ABCG8: variants seen among roughly 807,000 people sequenced by gnomAD.
The protein encoded by ABCG8 is ATP-binding cassette sub-family G member 8.
A neutral mutation model predicts 71.3 loss-of-function variants in ABCG8; 81 were observed. The observed-to-expected ratio is 1.14, with a 90% CI of 0.95 to 1.37. The LOEUF (loss-of-function observed/expected upper bound fraction) is 1.37, where lower values mean the gene tolerates loss of function less well. Among genes scored for constraint, ABCG8 ranks in the 40% most tolerant of loss-of-function variants. ABCG8 has a pLI of 0.00. For missense variants in ABCG8, 1,119 were observed against 866.2 expected (o/e 1.29, Z -3.66); for synonymous variants, 451 against 354.7 (o/e 1.27, Z -3.05).
At chr2:43,876,185 C>T (rs538250008) in intron 11 of ABCG8, among the ~76,000 whole-genome samples, 147 of 152,308 alleles carry the variant, frequency 9.7e-4, no homozygotes, top group African/African-American at 3.3e-3. Flanking sequence ...ACATCCCTCT[C>T]GAGAATTGCT....
Position 43,878,024 on chromosome 2 carries a change from C to G in ABCG8, c.*111C>G. 2 of 1,510,964 alleles carry G rather than the reference C, an allele frequency of 1.3e-6. No individual in the cohort carries two copies. The highest frequency in any genetic ancestry group is 1.8e-6 in the Non-Finnish European group (2 of 1,102,860). The allele number at this position is 1,510,964 out of a possible 1,614,324, so 93.6% of individuals were successfully genotyped here. On this transcript the variant is annotated 3_prime_UTR_variant, in exon 13 of 13. Coordinates refer to ENST00000272286, the MANE Select transcript of ABCG8 (RefSeq NM_022437.3). ...AGTGAGGACAATGACCCTACAGATG[C>G]TCAGCTACATCCGGCCCAGGGTGCT...
At chr2:43,843,177 G>C (rs1284317961) in intron 1 of ABCG8, among the ~76,000 whole-genome samples, 1 of 152,070 alleles carries the variant, frequency 6.6e-6, no homozygotes, top group Non-Finnish European at 1.5e-5. Context: ...TGTCTCATCT[G>C]CCAAAATCTA....
chr2:43,859,578 A>G (rs1669232407), intron 6 of ABCG8, among the ~76,000 whole-genome samples: 1 of 150,558 alleles, frequency 6.6e-6, no homozygotes, highest in Admixed American at 6.6e-5. Flanking sequence ...TGTGGATAGA[A>G]CTGTCGCTAT....
chr2:43,878,687 A>G lies in ABCG8; in HGVS notation c.*774A>G, dbSNP rs1334689019. ...CCGCTGTAAGCCTTAGGAGTTTAGG[A>G]AGGCTCCAGAAGACAAATGGGGTCT... On this transcript the variant is annotated 3_prime_UTR_variant, in exon 13 of 13. Transcript: ENST00000272286. The G allele has an allele frequency of 6.5e-6, 1 of 153,228 alleles. No individual in the cohort carries two copies. Among genetic ancestry groups the G allele is most frequent in the Non-Finnish European group, 1.5e-5 (1 of 68,806 alleles). The allele number at this position is 153,228 out of a possible 1,614,324, so 9.5% of individuals were successfully genotyped here. A position where few individuals can be genotyped will look rare whatever the true frequency, so the allele number is the denominator to read the frequency against.
intron 3 of ABCG8, chr2:43,847,022 ACACTC>A: frequency 6.6e-6 from 1 of 150,830 alleles, no homozygotes; most frequent in Admixed American, 6.6e-5. Flanking sequence ...ACACACACAC[ACACTC>A]CCCTCCATTT....
intron 6 of ABCG8, among the ~76,000 whole-genome samples, chr2:43,859,201 C>A (rs546466214): frequency 1.3e-5 from 2 of 151,000 alleles, no homozygotes; most frequent in Admixed American, 6.6e-5. Flanking sequence ...GGATAGAATT[C>A]TCTCCCTCTG....
rs530500061 is a variant in ABCG8, at chr2:43,878,983, G to A, written c.*1070G>A. ...CTCTCTCCCGCTACCCTGTGAAGAG[G>A]AGCCTTCCACCACGACTGCAAGTTT... is the stretch of plus-strand genomic sequence containing the variant. On this transcript the variant is annotated 3_prime_UTR_variant, in exon 13 of 13. Transcript: ENST00000272286. 4 of 152,382 alleles carry A rather than the reference G, an allele frequency of 2.6e-5. No individual in the cohort carries two copies. In the South Asian group the frequency reaches 8.3e-4, roughly 32 times the overall value. The allele number at this position is 152,382 out of a possible 1,614,324, so 9.4% of individuals were successfully genotyped here.
In ABCG8 at chr2:43,872,105, C is replaced by A; in HGVS notation, c.1094C>A (p.Thr365Lys). 6.2e-7 allele frequency: 1 copy of A among 1,614,080 alleles called. No individual in the cohort carries two copies. Among genetic ancestry groups the A allele is most frequent in the Non-Finnish European group, 8.5e-7 (1 of 1,180,024 alleles). Residue 365 changes from threonine to lysine, a missense_variant, in exon 7 of 13, where the codon ACG becomes AAG. Transcript: ENST00000272286. ...DLDDFLWKAE[T>K]KDLDEDTCVE... is the part of the protein sequence containing the mutation. ...GATGACTTTCTATGGAAAGCAGAGA[C>A]GAAGGATCTTGACGAGGACACCTGT...
rs1360967787 is a variant in ABCG8 at position 43,851,628 on chromosome 2, C to T, written c.367C>T (p.His123Tyr). 6.2e-7 allele frequency: 1 copy of T among 1,614,212 alleles called. No individual in the cohort carries two copies. Among genetic ancestry groups the T allele is most frequent in the Non-Finnish European group, 8.5e-7 (1 of 1,180,044 alleles). ...SLLDVITGRG[H>Y]GGKIKSGQIW... is the part of the protein sequence containing the mutation. Reference sequence around the variant, plus strand: ...GCTAGATGTGATCACTGGCCGAGGTCACGGCGGCAAGATCAAGTCAGGCCA... The same window carrying T: ...GCTAGATGTGATCACTGGCCGAGGTTACGGCGGCAAGATCAAGTCAGGCCA... Residue 123 changes from histidine to tyrosine, a missense_variant, in exon 4 of 13, where the codon CAC becomes TAC. Transcript: ENST00000272286.
chr2:43,872,520 G>C (rs1298317067), intron 8 of ABCG8, among the ~76,000 whole-genome samples: 1 of 152,084 alleles, frequency 6.6e-6, no homozygotes, highest in Non-Finnish European at 1.5e-5. Context: ...TCAGGAGTTC[G>C]AGACCAGCCT....
At chr2:43,850,288 C>T (rs574301351) in intron 3 of ABCG8, among the ~76,000 whole-genome samples, 4 of 152,136 alleles carry the variant, frequency 2.6e-5, no homozygotes, top group Non-Finnish European at 4.4e-5. Context: ...GGAAGATGTT[C>T]TGAGCCTGAG....
At chr2:43,870,420 T>C (rs1669722674) in intron 6 of ABCG8, among the ~76,000 whole-genome samples, 1 of 152,068 alleles carries the variant, frequency 6.6e-6, no homozygotes, top group Non-Finnish European at 1.5e-5. Flanking sequence ...ACTCTCACTA[T>C]CTATCTGGAT....
At chr2:43,851,993 C>G (rs1256883477) in intron 4 of ABCG8, among the ~76,000 whole-genome samples, 171 bp downstream of exon 4, 2 of 152,208 alleles carry the variant, frequency 1.3e-5, no homozygotes, top group African/African-American at 2.4e-5. Flanking sequence ...TCCTTTCAAA[C>G]CCCACAGCCC....
rs1490851104 is a variant in ABCG8 at position 43,855,904 on chromosome 2, C to T, written c.964+3036C>T. On this transcript the variant is annotated intron_variant, in intron 6 of 12. Coordinates refer to ENST00000272286, the MANE Select transcript of ABCG8 (RefSeq NM_022437.3). ...TCACTATCTGTCTGGATAGAATTCTCACCATGTGTATTGATCTCTCACTCT... is the reference window on the plus strand; with the variant it reads ...TCACTATCTGTCTGGATAGAATTCTTACCATGTGTATTGATCTCTCACTCT... 2.0e-5 allele frequency among the ~76,000 whole-genome samples: 3 copies of T among 151,758 alleles called. No individual in the cohort carries two copies. In the East Asian group the frequency reaches 5.8e-4, roughly 29 times the overall value.
chr2:43,859,862 T>C (rs1233952752), intron 6 of ABCG8, among the ~76,000 whole-genome samples: 2 of 150,802 alleles, frequency 1.3e-5, no homozygotes, highest in Non-Finnish European at 3.0e-5. Flanking sequence ...GAATTCTCAC[T>C]CTCTGGATAG....
chr2:43,869,420 T>C (rs72798826), intron 6 of ABCG8, among the ~76,000 whole-genome samples: 2 of 149,156 alleles, frequency 1.3e-5, no homozygotes, highest in Admixed American at 1.3e-4. Context: ...TCTGAATAGA[T>C]TTCTCACTCT....
At chr2:43,874,121 T>C in intron 9 of ABCG8, 135 bp downstream of exon 9, 1 of 1,021,846 alleles carries the variant, frequency 9.8e-7, no homozygotes, top group Non-Finnish European at 1.5e-6. Context: ...AAAGTTTGCA[T>C]GTTAATATTA....
intron 10 of ABCG8, 149 bp from the exon 11 acceptor site, chr2:43,874,997 G>A: frequency 8.8e-7 from 1 of 1,130,222 alleles, no homozygotes; most frequent in Non-Finnish European, 1.3e-6. Flanking sequence ...CTGAGCTCAT[G>A]CTCCTGGGTC....
chr2:43,870,823 T>A (rs954898811), intron 6 of ABCG8, among the ~76,000 whole-genome samples: 2 of 151,656 alleles, frequency 1.3e-5, no homozygotes, highest in Non-Finnish European at 2.9e-5. Flanking sequence ...ATTCTCATTC[T>A]CTGGATAGAA....
Sources: gnomAD v4.1 joint callset for allele counts (sites outside exome capture counted in the v4.1 genomes callset) on GRCh38, gnomAD v4.1.1 for gene constraint, MANE v1.5 for transcripts, NCBI Gene and HGNC (gene_info 2026-07-23, HGNC 2026-07-21) for gene names.